The following IMMP2L variants were observed in gnomAD, a reference collection of about 807,000 sequenced individuals.
IMMP2L encodes inner mitochondrial membrane peptidase subunit 2, also known as mitochondrial inner membrane protease subunit 2.
IMMP2L carries 18 observed loss-of-function variants against 19.3 expected under a neutral mutation model. The observed-to-expected ratio is 0.93, with a 90% CI of 0.64 to 1.38. The LOEUF is 1.38. IMMP2L is among the 40% of genes most tolerant of loss of function. IMMP2L has a pLI of 0.00. For synonymous variants in IMMP2L, 76 were observed against 73.0 expected (o/e 1.04, Z -0.21); for missense variants, 233 against 218.2 (o/e 1.07, Z -0.43).
intron 4 of IMMP2L, among the ~76,000 whole-genome samples, chr7:110,949,897 T>C (rs1730549333): frequency 6.6e-6 from 1 of 152,166 alleles, no homozygotes; most frequent in South Asian, 2.1e-4. Flanking sequence ...ACACCCACCA[T>C]TATGCAATAT....
chr7:111,403,395 C>T (rs1275274711), intron 3 of IMMP2L, among the ~76,000 whole-genome samples: 1 of 151,762 alleles, frequency 6.6e-6, no homozygotes, highest in Non-Finnish European at 1.5e-5. Context: ...ATAAATTACC[C>T]AGTCTCAGGT....
intron 3 of IMMP2L, among the ~76,000 whole-genome samples, chr7:111,448,324 C>T (rs1163313920): frequency 6.9e-6 from 1 of 144,634 alleles, no homozygotes; most frequent in African/African-American, 2.6e-5. Context: ...CTCTCCTCAG[C>T]AAATGTAAAA....
At chr7:111,074,283 A>G (rs1310952287) in intron 3 of IMMP2L, among the ~76,000 whole-genome samples, 3 of 152,208 alleles carry the variant, frequency 2.0e-5, no homozygotes, top group Non-Finnish European at 4.4e-5. Context: ...ACCTACAATG[A>G]TGACTCATCG....
At chr7:111,066,084 T>A (rs866897875) in intron 3 of IMMP2L, among the ~76,000 whole-genome samples, 7 of 151,588 alleles carry the variant, frequency 4.6e-5, no homozygotes, top group Non-Finnish European at 1.0e-4. Flanking sequence ...GTTCAAGCAA[T>A]TCTCCTACCG....
At chr7:110,673,086 A>C (rs935334186) in intron 5 of IMMP2L, among the ~76,000 whole-genome samples, 6 of 151,842 alleles carry the variant, frequency 4.0e-5, no homozygotes, top group African/African-American at 1.5e-4. Flanking sequence ...TCTGCAGCAG[A>C]CTCCTTCCTG....
rs754534329 is a variant in IMMP2L, at chr7:111,487,281, C to G, written c.196G>C (p.Val66Leu). 3 of 1,610,238 alleles carry G rather than the reference C, an allele frequency of 1.9e-6. No homozygotes were observed. Among genetic ancestry groups the G allele is most frequent in the Non-Finnish European group, 2.5e-6 (3 of 1,176,660 alleles). ...SDVVLLNHWKVRNFEVHRGDI... is the reference protein window; with the variant it reads ...SDVVLLNHWKLRNFEVHRGDI... ...CCACGGTGTACTTCAAAATTCCTCA[C>G]TTTCCAGTGGTTCAAAAGCACCACA... Residue 66 changes from valine to leucine, a missense_variant, in exon 3 of 6, where the codon GTG becomes CTG. Val to Leu is a conservative substitution (Grantham distance 32, BLOSUM62 1). Coordinates refer to ENST00000405709, the MANE Select transcript of IMMP2L (RefSeq NM_032549.4).
chr7:110,974,373 A>T (rs987864714), intron 3 of IMMP2L, among the ~76,000 whole-genome samples: 3 of 152,142 alleles, frequency 2.0e-5, no homozygotes, highest in Non-Finnish European at 4.4e-5. Flanking sequence ...CAATGGCACC[A>T]TGCTTTGGAA....
chr7:110,673,111 T>C (rs1287549249), intron 5 of IMMP2L, among the ~76,000 whole-genome samples: 1 of 152,188 alleles, frequency 6.6e-6, no homozygotes, highest in Non-Finnish European at 1.5e-5. Flanking sequence ...TCCAGGCATT[T>C]CCATATATCC....
In IMMP2L at chr7:110,877,620, CT is replaced by C. The variant is rs1809210766; in HGVS notation, c.408+8972del. Among the ~76,000 whole-genome samples the C allele has an allele frequency of 1.3e-5, 2 of 152,150 alleles. No individual in the cohort carries two copies. The highest frequency in any genetic ancestry group is 2.9e-5 in the Non-Finnish European group (2 of 68,022). ...ACAGGATCAAAAGGGTTTGACTGCC[CT>C]GCTAATGACTTTACACTAGCTATTT... On this transcript the variant is annotated intron_variant, in intron 5 of 5. Transcript: ENST00000405709. This position sits in a 1 kb window ranked among gnomAD's most constrained non-coding sequence, Gnocchi z 4.0.
At chr7:111,115,516 C>T (rs566345829) in intron 3 of IMMP2L, among the ~76,000 whole-genome samples, 1 of 152,050 alleles carries the variant, frequency 6.6e-6, no homozygotes, top group South Asian at 2.1e-4. Context: ...GATTTCATCC[C>T]CCCCTCTGTA....
intron 3 of IMMP2L, among the ~76,000 whole-genome samples, chr7:111,415,275 T>A (rs1834855842): frequency 6.6e-6 from 1 of 151,504 alleles, no homozygotes; most frequent in Non-Finnish European, 1.5e-5. Flanking sequence ...AGTCACACAA[T>A]CCCCAAAAAC....
At chr7:110,872,037 G>T (rs576509839) in intron 5 of IMMP2L, among the ~76,000 whole-genome samples, 17 of 152,228 alleles carry the variant, frequency 1.1e-4, no homozygotes, top group Middle Eastern at 6.8e-3. Context: ...TCATGGCAAA[G>T]GCTCCAAACA....
chr7:111,532,351 G>A (rs1480121499), intron 1 of IMMP2L, among the ~76,000 whole-genome samples: 1 of 152,084 alleles, frequency 6.6e-6, no homozygotes, highest in Non-Finnish European at 1.5e-5. Flanking sequence ...GGTCTTATTA[G>A]GGCTCAACAA....
intron 4 of IMMP2L, among the ~76,000 whole-genome samples, chr7:110,960,281 C>G (rs140493378): frequency 6.6e-6 from 1 of 151,974 alleles, no homozygotes; most frequent in Non-Finnish European, 1.5e-5. Context: ...AGTTGTGTAA[C>G]CATCACCACA....
chr7:110,897,127 GT>G lies in IMMP2L; in HGVS notation c.306-10433del, dbSNP rs371527711. Reference sequence around the variant, plus strand: ...GTAGGATTGGGGAAAGCCTTTTAAAGTAAGATTAAAAAGCAAAAGGTATGCT... The same window carrying G: ...GTAGGATTGGGGAAAGCCTTTTAAAGAAGATTAAAAAGCAAAAGGTATGCT... On this transcript the variant is annotated intron_variant, in intron 4 of 5. Transcript: ENST00000405709. Among the ~76,000 whole-genome samples the G allele has an allele frequency of 3.3e-5, 5 of 152,190 alleles. No individual in the cohort carries two copies. The East Asian group carries it at 9.7e-4, about 29-fold the overall frequency.
intron 4 of IMMP2L, among the ~76,000 whole-genome samples, chr7:110,946,313 C>A (rs956238498): frequency 6.6e-6 from 1 of 152,068 alleles, no homozygotes; most frequent in African/African-American, 2.4e-5. Context: ...AGTTACGTTG[C>A]CTATAGAATG....
intron 3 of IMMP2L, among the ~76,000 whole-genome samples, chr7:111,185,757 T>G (rs540009744): frequency 2.0e-5 from 3 of 152,312 alleles, no homozygotes; most frequent in East Asian, 3.9e-4. Context: ...TAAATCTTTA[T>G]CTCAATGGAT....
intron 3 of IMMP2L, among the ~76,000 whole-genome samples, chr7:111,029,673 G>C (rs949907056): frequency 2.0e-5 from 3 of 152,118 alleles, no homozygotes; most frequent in Non-Finnish European, 2.9e-5. Context: ...AGCCTACCAA[G>C]TTAGAAGAAA....
chr7:111,558,725 A>G (rs1222352002), intron 1 of IMMP2L, among the ~76,000 whole-genome samples: 1 of 152,152 alleles, frequency 6.6e-6, no homozygotes, highest in Non-Finnish European at 1.5e-5. Flanking sequence ...TACCACTAAT[A>G]TATAATAAGC....
Sources: gnomAD v4.1 joint callset for allele counts (sites outside exome capture counted in the v4.1 genomes callset) on GRCh38, gnomAD v4.1.1 for gene constraint, Gnocchi (gnomAD v3.1) non-coding constraint, MANE v1.5 for transcripts, NCBI Gene and HGNC (gene_info 2026-07-23, HGNC 2026-07-21) for gene names.